DISC1: variants seen among roughly 807,000 people sequenced by gnomAD.
The protein encoded by DISC1 is DISC1 scaffold protein, also known as disrupted in schizophrenia 1 protein.
DISC1 carries 57 observed loss-of-function variants against 84.5 expected under a neutral mutation model. The observed-to-expected ratio is 0.67, with a 90% confidence interval of 0.55 to 0.84. The LOEUF is 0.84. Ranked by LOEUF, DISC1 falls within the 40% of genes least tolerant of loss-of-function variation. The pLI, the probability that DISC1 is intolerant of heterozygous loss-of-function variation, is 0.00. For synonymous variants in DISC1, 411 were observed against 415.2 expected (o/e 0.99, Z 0.12); for missense variants, 1,000 against 1,057.8 (o/e 0.95, Z 0.76).
chr1:231,823,367 A>C (rs1237830288), intron 9 of DISC1, among the ~76,000 whole-genome samples: 1 of 152,236 alleles, frequency 6.6e-6, no homozygotes. Context: ...AACAACAATA[A>C]AATTTAAAAA....
chr1:231,966,794 C>A (rs760312855), intron 10 of DISC1, among the ~76,000 whole-genome samples: 1 of 152,204 alleles, frequency 6.6e-6, no homozygotes, highest in African/African-American at 2.4e-5. Flanking sequence ...CACAAACTCT[C>A]GAGCACTTAG....
chr1:231,963,434 C>G (rs1660661131), intron 10 of DISC1, among the ~76,000 whole-genome samples: 2 of 152,138 alleles, frequency 1.3e-5, no homozygotes, highest in Admixed American at 1.3e-4. Context: ...TCAGAAGGGT[C>G]AGATGCTGTG....
rs116830670 is a variant in DISC1, at chr1:231,728,123, G to A, written c.1118-21803G>A. ...CTAGAGGATTTCATACAAAGATGGA[G>A]GAATCACGCTGCATCCCTTTGGTGT... On this transcript the variant is annotated intron_variant, in intron 3 of 12. Transcript: ENST00000439617. Among the ~76,000 whole-genome samples the A allele has an allele frequency of 5.9e-3, 896 of 152,144 alleles. 11 individuals carry two copies. The highest frequency in any genetic ancestry group is 0.021 in the African/African-American group (869 of 41,502).
intron 1 of DISC1, among the ~76,000 whole-genome samples, chr1:231,641,351 T>C (rs898750048): frequency 6.6e-6 from 1 of 152,014 alleles, no homozygotes; most frequent in African/African-American, 2.4e-5. Flanking sequence ...GGCTCAAGAG[T>C]GAAGCTGCGG....
chr1:231,759,958 A>G (rs1170410686), intron 4 of DISC1, among the ~76,000 whole-genome samples: 1 of 152,222 alleles, frequency 6.6e-6, no homozygotes, highest in East Asian at 1.9e-4. Context: ...AAGCTCCCAA[A>G]TAAAGGTCTT....
Position 231,727,858 on chromosome 1 carries a change from C to T in DISC1, c.1118-22068C>T, listed in dbSNP as rs561207444. On this transcript the variant is annotated intron_variant, in intron 3 of 12. Coordinates refer to ENST00000439617, the MANE Select transcript of DISC1 (RefSeq NM_018662.3). The stretch of plus-strand genomic sequence containing the variant: ...TCTCAGTGCTTTGGGAGGCTGAGGT[C>T]GGAGGATCGCTTGAGCCCAGGAGTT... Among the ~76,000 whole-genome samples the T allele has an allele frequency of 4.6e-5, 7 of 151,084 alleles. No individual in the cohort carries two copies. The East Asian group carries it at 5.9e-4, about 13-fold the overall frequency.
intron 9 of DISC1, among the ~76,000 whole-genome samples, chr1:231,945,755 A>T (rs934221373): frequency 6.6e-6 from 1 of 152,186 alleles, no homozygotes; most frequent in African/African-American, 2.4e-5. Flanking sequence ...AATCAAAGAG[A>T]CGCAATAAAA....
intron 9 of DISC1, among the ~76,000 whole-genome samples, chr1:231,864,899 ATTATT>A (rs1185235537): frequency 2.6e-5 from 4 of 152,168 alleles, no homozygotes; most frequent in African/African-American, 9.7e-5. Flanking sequence ...TAGCAGTCTA[ATTATT>A]TTATTTGGTT....
intron 9 of DISC1, among the ~76,000 whole-genome samples, chr1:231,891,216 A>G (rs9659147): frequency 0.011 from 1,724 of 152,318 alleles, 26 homozygotes; most frequent in African/African-American, 0.039. Flanking sequence ...ATGAGCTAAA[A>G]AAGAAAATTG....
intron 1 of DISC1, among the ~76,000 whole-genome samples, chr1:231,666,779 C>T (rs190049242): frequency 6.6e-6 from 1 of 152,122 alleles, no homozygotes; most frequent in African/African-American, 2.4e-5. Context: ...TTCACCCCAT[C>T]GTAATGGGCT....
chr1:231,773,416 T>A (rs1453543185), intron 6 of DISC1, among the ~76,000 whole-genome samples: 1 of 152,134 alleles, frequency 6.6e-6, no homozygotes, highest in East Asian at 1.9e-4. Flanking sequence ...ATAGAGTCTC[T>A]CTCTGTCACC....
intron 10 of DISC1, among the ~76,000 whole-genome samples, chr1:232,003,077 GAAA>G (rs1258530276): frequency 6.6e-6 from 1 of 151,836 alleles, no homozygotes; most frequent in Non-Finnish European, 1.5e-5. Context: ...AAGAAAAATA[GAAA>G]AAAAGAAGGG....
intron 3 of DISC1, among the ~76,000 whole-genome samples, chr1:231,733,686 C>A (rs948801057): frequency 1.7e-5 from 2 of 117,812 alleles, no homozygotes; most frequent in African/African-American, 3.4e-5. Flanking sequence ...TGGGAGAAGT[C>A]GTAGTGGTGG....
At chr1:231,634,059 T>G (rs2058979051) in intron 1 of DISC1, among the ~76,000 whole-genome samples, 1 of 152,060 alleles carries the variant, frequency 6.6e-6, no homozygotes, top group Non-Finnish European at 1.5e-5. Context: ...AATTTTTGTA[T>G]TTTTAGTAGA....
intron 11 of DISC1, among the ~76,000 whole-genome samples, chr1:232,019,432 A>C (rs988564134): frequency 6.6e-6 from 1 of 152,216 alleles, no homozygotes; most frequent in Non-Finnish European, 1.5e-5. Flanking sequence ...AGACACTTTG[A>C]AATGCCGAGC....
chr1:231,879,373 C>G (rs2086126989), intron 9 of DISC1, among the ~76,000 whole-genome samples: 1 of 151,856 alleles, frequency 6.6e-6, no homozygotes, highest in Non-Finnish European at 1.5e-5. Flanking sequence ...ACTAATGGAT[C>G]CTGCCAAGCA....
chr1:231,884,147 A>G (rs1453205489), intron 9 of DISC1, among the ~76,000 whole-genome samples: 1 of 152,182 alleles, frequency 6.6e-6, no homozygotes, highest in Non-Finnish European at 1.5e-5. Flanking sequence ...TGCAGTTCCC[A>G]GGGACTGATG....
intron 3 of DISC1, among the ~76,000 whole-genome samples, chr1:231,739,207 T>C (rs560379341): frequency 2.6e-5 from 4 of 152,380 alleles, no homozygotes; most frequent in African/African-American, 9.6e-5. Flanking sequence ...TAGTAGTTTA[T>C]GCTAATGTTT....
intron 12 of DISC1, among the ~76,000 whole-genome samples, chr1:232,036,304 C>CAA (rs1456376803): frequency 6.6e-6 from 1 of 152,174 alleles, no homozygotes; most frequent in African/African-American, 2.4e-5. Flanking sequence ...TTCAAGCATT[C>CAA]TACCCTTTCC....
Sources: gnomAD v4.1 joint callset for allele counts (sites outside exome capture counted in the v4.1 genomes callset) on GRCh38, gnomAD v4.1.1 for gene constraint, MANE v1.5 for transcripts, NCBI Gene and HGNC (gene_info 2026-07-23, HGNC 2026-07-21) for gene names.